BIRC6: variants seen among roughly 807,000 people sequenced by gnomAD.
The protein encoded by BIRC6 is baculoviral IAP repeat containing 6, also known as dual E2 ubiquitin-conjugating enzyme/E3 ubiquitin-protein ligase BIRC6.
BIRC6 carries 98 observed loss-of-function variants against 503.3 expected under a neutral mutation model. The observed-to-expected ratio is 0.19, with a 90% CI of 0.17 to 0.23. The LOEUF (loss-of-function observed/expected upper bound fraction) is 0.23. BIRC6 is among the 10% of genes least tolerant of loss of function. BIRC6 has a pLI of 1.00. For missense variants in BIRC6, 5,360 were observed against 5,806.0 expected (o/e 0.92, Z 2.50); for synonymous variants, 2,240 against 2,078.7 (o/e 1.08, Z -2.11).
At chr2:32,568,661 T>C (rs1424765861) in intron 65 of BIRC6, among the ~76,000 whole-genome samples, 1 of 151,786 alleles carries the variant, frequency 6.6e-6, no homozygotes, top group Non-Finnish European at 1.5e-5. Context: ...CAAGCCAACA[T>C]GGTGAAACAC....
intron 57 of BIRC6, among the ~76,000 whole-genome samples, chr2:32,519,420 G>A (rs1244190127): frequency 6.6e-6 from 1 of 152,188 alleles, no homozygotes; most frequent in African/African-American, 2.4e-5. Context: ...CTAGGTTCTT[G>A]CCTGTATTTT....
At chr2:32,369,946 ATATATATATAT>A (rs1202778240) in intron 1 of BIRC6, among the ~76,000 whole-genome samples, 4 of 28,418 alleles carry the variant, frequency 1.4e-4, no homozygotes, top group African/African-American at 7.3e-4. Context: ...AAAAAAAAAA[ATATATATATAT>A]ATATATATAT....
intron 31 of BIRC6, among the ~76,000 whole-genome samples, chr2:32,470,797 T>C (rs957262896): frequency 1.3e-5 from 2 of 152,256 alleles, no homozygotes; most frequent in African/African-American, 2.4e-5. Flanking sequence ...TCTGTTCTTA[T>C]ACCTTGAAGT....
intron 20 of BIRC6, among the ~76,000 whole-genome samples, 173 bp from the exon 21 acceptor site, chr2:32,445,348 C>CT (rs1464138568): frequency 6.6e-6 from 1 of 152,206 alleles, no homozygotes; most frequent in African/African-American, 2.4e-5. Context: ...TAAGTGTCCT[C>CT]TTTGATCCCT....
chr2:32,528,877 A>T (rs2056502738), intron 59 of BIRC6: 1 of 152,184 alleles, frequency 6.6e-6, no homozygotes, highest in Admixed American at 6.5e-5. Flanking sequence ...ACACACAAAA[A>T]TAAATTTTGT....
chr2:32,581,209 A>G (rs1044322508), intron 66 of BIRC6, among the ~76,000 whole-genome samples: 2 of 152,142 alleles, frequency 1.3e-5, no homozygotes, highest in Admixed American at 6.5e-5. Context: ...CTGTTCCTCT[A>G]CTGTTTGCTT....
At chr2:32,513,934 G>A (rs1379155614) in intron 54 of BIRC6, among the ~76,000 whole-genome samples, 1 of 151,946 alleles carries the variant, frequency 6.6e-6, no homozygotes, top group Non-Finnish European at 1.5e-5. Flanking sequence ...AGCCGGACAC[G>A]GTGGTATGCA....
Position 32,476,390 on chromosome 2 carries a change from A to T in BIRC6, c.6852+46A>T, listed in dbSNP as rs369520440. On this transcript the variant is annotated intron_variant, in intron 34 of 73. Transcript: ENST00000421745. ...TATAGTTATCTCAGAAAAGTCAAGG[A>T]GTTATGATCTTTAATTACGATCGAG... The T allele has an allele frequency of 6.6e-6, 10 of 1,509,744 alleles. 1 individual carries two copies. The Admixed American group carries it at 7.2e-5, about 11-fold the overall frequency. 93.5% of individuals were successfully genotyped at this position (1,509,744 alleles called of 1,614,324 possible).
chr2:32,428,738 A>G (rs2043793842), intron 10 of BIRC6, among the ~76,000 whole-genome samples: 1 of 152,144 alleles, frequency 6.6e-6, no homozygotes, highest in South Asian at 2.1e-4. Context: ...AAATAAGAGT[A>G]TTTGTTAAGT....
At chr2:32,412,218 G>A (rs1396922031) in intron 9 of BIRC6, among the ~76,000 whole-genome samples, 1 of 152,198 alleles carries the variant, frequency 6.6e-6, no homozygotes, top group African/African-American at 2.4e-5. Flanking sequence ...AAAAAGGTCA[G>A]CAGGGCATGG....
intron 5 of BIRC6, among the ~76,000 whole-genome samples, chr2:32,394,795 A>G (rs2039673146): frequency 2.0e-5 from 3 of 151,936 alleles, no homozygotes. Flanking sequence ...GTGCCATTGC[A>G]CTCCAGTCTG....
intron 1 of BIRC6, among the ~76,000 whole-genome samples, chr2:32,374,310 C>G (rs1263275880): frequency 2.0e-5 from 3 of 151,918 alleles, no homozygotes; most frequent in African/African-American, 4.8e-5. Context: ...ACCACACTTT[C>G]TTGTGGTACT....
Position 32,508,276 on chromosome 2 carries a change from C to CTTTTTTT in BIRC6, c.9980+38_9980+44dup, listed in dbSNP as rs10528992. The CTTTTTTT allele has an allele frequency of 6.1e-4, 529 of 864,198 alleles. 19 individuals carry two copies. The highest frequency in any genetic ancestry group is 1.3e-3 in the East Asian group (20 of 15,164). The allele number at this position is 864,198 out of a possible 1,614,324, so 53.5% of individuals were successfully genotyped here. ...CAAAACAAGGTATGTTTTGTTTGTC[C>CTTTTTTT]TTTTTTTTTTTTTTTTTTTTTTTTT... On this transcript the variant is annotated intron_variant, in intron 51 of 73. Coordinates refer to ENST00000421745, the MANE Select transcript of BIRC6 (RefSeq NM_016252.4).
intron 59 of BIRC6, chr2:32,526,515 T>C (rs562436010): frequency 2.6e-5 from 4 of 152,312 alleles, no homozygotes; most frequent in Middle Eastern, 3.4e-3. Flanking sequence ...TGGACAGCAA[T>C]GTAAGTGTGA....
At chr2:32,372,755 T>C (rs1262438429) in intron 1 of BIRC6, among the ~76,000 whole-genome samples, 1 of 152,082 alleles carries the variant, frequency 6.6e-6, no homozygotes, top group Non-Finnish European at 1.5e-5. Context: ...ACCTGAGCCC[T>C]GGAGGTCAAA....
chr2:32,441,183 T>C (rs2148301730), intron 16 of BIRC6, 146 bp from the exon 17 acceptor site: 2 of 606,484 alleles, frequency 3.3e-6, no homozygotes, highest in Admixed American at 3.1e-5. Context: ...ATTTACTGAA[T>C]ATGAGGGTAC....
At chr2:32,429,002 C>T (rs1179764880) in intron 10 of BIRC6, 144 bp from the exon 11 acceptor site, 1 of 700,930 alleles carries the variant, frequency 1.4e-6, no homozygotes, top group East Asian at 3.3e-5. Context: ...AATTAAATTT[C>T]TAAACTCTTG....
At chr2:32,422,816 A>G (rs552934841) in intron 10 of BIRC6, among the ~76,000 whole-genome samples, 1 of 152,160 alleles carries the variant, frequency 6.6e-6, no homozygotes, top group Non-Finnish European at 1.5e-5. Flanking sequence ...TAGTACTCCA[A>G]TGTGCAAAAA....
chr2:32,525,797 G>A (rs547798577), intron 59 of BIRC6, among the ~76,000 whole-genome samples, 169 bp downstream of exon 59: 2 of 152,224 alleles, frequency 1.3e-5, no homozygotes, highest in Middle Eastern at 3.4e-3. Context: ...GAGCAAAGGA[G>A]GAGTAATCTA....
Sources: gnomAD v4.1 joint callset for allele counts (sites outside exome capture counted in the v4.1 genomes callset) on GRCh38, gnomAD v4.1.1 for gene constraint, MANE v1.5 for transcripts, NCBI Gene and HGNC (gene_info 2026-07-23, HGNC 2026-07-21) for gene names.